ERG: variants seen among roughly 807,000 people sequenced by gnomAD.
ERG encodes ETS transcription factor ERG.
A neutral mutation model predicts 55.3 loss-of-function variants in ERG; 9 were observed. The ratio of observed to expected loss-of-function variants is 0.16; its 90% CI spans 0.10 to 0.28. ERG has a LOEUF of 0.28. ERG is among the 10% of genes least tolerant of loss of function. The pLI is 1.00. For missense variants in ERG, 434 were observed against 631.6 expected (o/e 0.69, Z 3.35); for synonymous variants, 223 against 237.3 (o/e 0.94, Z 0.55).
downstream of ERG, among the ~76,000 whole-genome samples, chr21:38,377,823 G>T (rs149160985): frequency 1.1e-3 from 162 of 152,270 alleles, no homozygotes; most frequent in Non-Finnish European, 1.4e-3. Context: ...CACTCTTTCA[G>T]CTGATGCATG....
chr21:38,373,539 G>T, the ERG span, among the ~76,000 whole-genome samples: 1 of 152,198 alleles, frequency 6.6e-6, no homozygotes, highest in African/African-American at 2.4e-5. Flanking sequence ...GTACCATTGA[G>T]AAAGTAGCAC....
chr21:38,488,912 C>G (rs1303206120), intron 1 of ERG, among the ~76,000 whole-genome samples: 3 of 152,180 alleles, frequency 2.0e-5, no homozygotes. Flanking sequence ...GTACTGTAAT[C>G]ATTACTTTAG....
Position 38,429,359 on chromosome 21 carries a change from TATA to T in ERG, c.237-5801_237-5799del, listed in dbSNP as rs537798278. Reference sequence around the variant, plus strand: ...ATCTACATATGCACACATATACATATATAATATGTACACATATACATATATATG... The same window carrying T: ...ATCTACATATGCACACATATACATATATATGTACACATATACATATATATG... On this transcript the variant is annotated intron_variant, in intron 2 of 9. Coordinates refer to ENST00000288319, the MANE Select transcript of ERG (RefSeq NM_182918.4). Among the ~76,000 whole-genome samples the T allele has an allele frequency of 9.0e-4, 130 of 144,716 alleles. 1 individual carries two copies. Among genetic ancestry groups the T allele is most frequent in the African/African-American group, 1.5e-3 (60 of 39,770 alleles). The allele number at this position is 144,716 out of a possible 152,430, so 94.9% of individuals were successfully genotyped here. A position where few individuals can be genotyped will look rare whatever the true frequency, so the allele number is the denominator to read the frequency against.
intron 2 of ERG, among the ~76,000 whole-genome samples, chr21:38,525,551 C>T (rs1370932865): frequency 2.0e-5 from 3 of 152,182 alleles, no homozygotes; most frequent in African/African-American, 4.8e-5. Context: ...TCTCAGTTAC[C>T]GAGCCAAGAC....
chr21:38,501,553 T>C (rs543423920), upstream of ERG, among the ~76,000 whole-genome samples: 1 of 152,232 alleles, frequency 6.6e-6, no homozygotes, highest in South Asian at 2.1e-4. Flanking sequence ...CTTTCCCACC[T>C]GATACCTCCT....
chr21:38,646,547 G>A (rs465327), intron 1 of ERG, among the ~76,000 whole-genome samples: 123,993 of 152,076 alleles, frequency 0.82, 51,008 homozygotes, highest in African/African-American at 0.94. Flanking sequence ...ACTTTTTCCT[G>A]TTTTCAGTAT....
upstream of ERG, among the ~76,000 whole-genome samples, chr21:38,501,585 C>T (rs2059421386): frequency 6.6e-6 from 1 of 152,110 alleles, no homozygotes; most frequent in South Asian, 2.1e-4. Flanking sequence ...AATATGCCCT[C>T]CAAGCCACCA....
intron 1 of ERG, among the ~76,000 whole-genome samples, chr21:38,583,321 TC>T (rs1312249029): frequency 3.3e-5 from 5 of 152,228 alleles, no homozygotes; most frequent in African/African-American, 1.2e-4. Flanking sequence ...AAGGAGGCTC[TC>T]CCTCTCAGGC....
chr21:38,409,923 G>T (rs1988966694), intron 3 of ERG, among the ~76,000 whole-genome samples: 1 of 152,202 alleles, frequency 6.6e-6, no homozygotes, highest in African/African-American at 2.4e-5. Flanking sequence ...ACTTGGTGAT[G>T]AAAATAAAAG....
At chr21:38,658,149 C>T (rs73905455) in intron 1 of ERG, among the ~76,000 whole-genome samples, 105 of 152,316 alleles carry the variant, frequency 6.9e-4, no homozygotes, top group African/African-American at 2.5e-3. Context: ...TGCCATACTC[C>T]TGCTCTCTGG....
rs569309973 is a variant in ERG, at chr21:38,451,398, GACAT to G, written c.19-5781_19-5778del. 3.3e-5 allele frequency among the ~76,000 whole-genome samples: 5 copies of G among 152,322 alleles called. No homozygotes were observed. In the South Asian group the frequency reaches 1.0e-3, roughly 32 times the overall value. ...ATTAATCAGATTATTCAGACACAAA[GACAT>G]GGCCAGGTGTTGGGATGTGTTCATT... On this transcript the variant is annotated intron_variant, in intron 1 of 9. Transcript: ENST00000288319.
At chr21:38,446,389 G>A (rs564419831) in intron 1 of ERG, among the ~76,000 whole-genome samples, 3 of 152,222 alleles carry the variant, frequency 2.0e-5, no homozygotes, top group Admixed American at 2.0e-4. Context: ...ATAGCAATTT[G>A]TCATTGTTGG....
chr21:38,421,336 A>G (rs1200910999), intron 3 of ERG, among the ~76,000 whole-genome samples: 9 of 152,104 alleles, frequency 5.9e-5, no homozygotes, highest in Non-Finnish European at 1.3e-4. Flanking sequence ...ATCAGGCACA[A>G]CCCCAAAGGA....
chr21:38,598,292 G>A (rs1295970544), intron 1 of ERG, among the ~76,000 whole-genome samples: 1 of 152,204 alleles, frequency 6.6e-6, no homozygotes, highest in Non-Finnish European at 1.5e-5. Context: ...CCCATTCCTG[G>A]AGTCAGCAGC....
At chr21:38,635,870 C>T (rs1036785665) in intron 1 of ERG, among the ~76,000 whole-genome samples, 4 of 152,072 alleles carry the variant, frequency 2.6e-5, no homozygotes, top group Non-Finnish European at 5.9e-5. Context: ...GGCTAGGGTC[C>T]CAGCTCTTGC....
chr21:38,422,641 A>AT (rs1439687283), intron 3 of ERG, among the ~76,000 whole-genome samples: 1 of 152,026 alleles, frequency 6.6e-6, no homozygotes, highest in African/African-American at 2.4e-5. Flanking sequence ...GCTTTAAGTC[A>AT]TTTTTTCTAT....
intron 1 of ERG, among the ~76,000 whole-genome samples, chr21:38,641,561 C>G (rs1189345276): frequency 6.6e-6 from 1 of 152,136 alleles, no homozygotes; most frequent in Non-Finnish European, 1.5e-5. Context: ...AATACGTCCC[C>G]CTTTGTTATG....
At position 38,416,978 on chromosome 21, in the gene ERG, G is replaced by A. The variant is rs368221334; in HGVS notation, c.388+6432C>T. 7.2e-5 allele frequency among the ~76,000 whole-genome samples: 11 copies of A among 152,326 alleles called. No individual in the cohort carries two copies. In the South Asian group the frequency reaches 8.3e-4, roughly 11 times the overall value. On this transcript the variant is annotated intron_variant, in intron 3 of 9. Coordinates refer to ENST00000288319, the MANE Select transcript of ERG (RefSeq NM_182918.4). The stretch of plus-strand genomic sequence containing the variant: ...GTATAAATGAAGCTGTTCTTGATTC[G>A]TCCTGTCATAGCAATCTCCATTCCT...
At chr21:38,527,899 C>G (rs1319560242) in intron 2 of ERG, among the ~76,000 whole-genome samples, 2 of 152,204 alleles carry the variant, frequency 1.3e-5, no homozygotes, top group African/African-American at 4.8e-5. Context: ...AGATTGTATG[C>G]GTTTCCCAGG....
Sources: gnomAD v4.1 joint callset for allele counts (sites outside exome capture counted in the v4.1 genomes callset) on GRCh38, gnomAD v4.1.1 for gene constraint, MANE v1.5 for transcripts, NCBI Gene and HGNC (gene_info 2026-07-23, HGNC 2026-07-21) for gene names.